Variants in ITPRID2 observed in about 807,000 individuals in gnomAD.
The protein encoded by ITPRID2 is ITPR interacting domain containing 2.
ITPRID2 carries 60 observed loss-of-function variants against 124.3 expected under a neutral mutation model. That is an observed-to-expected ratio of 0.48 (90% CI 0.39 to 0.60). ITPRID2 has a LOEUF of 0.60. ITPRID2 is among the 20% of genes least tolerant of loss of function. The pLI, the probability that ITPRID2 is intolerant of heterozygous loss-of-function variation, is 0.00. For missense variants in ITPRID2, 1,553 were observed against 1,512.2 expected (o/e 1.03, Z -0.45); for synonymous variants, 521 against 542.9 (o/e 0.96, Z 0.56).
Position 181,892,708 on chromosome 2 carries a change from C to A in ITPRID2, c.257+48C>A, listed in dbSNP as rs750863036. 2 of 1,610,572 alleles carry A rather than the reference C, an allele frequency of 1.2e-6. No homozygotes were observed. Among genetic ancestry groups the A allele is most frequent in the Admixed American group, 1.7e-5 (1 of 59,976 alleles). ...GCGTCCCGGGGGAGATCCGTGCGGA[C>A]GGGACGCCGGAGCAGAGCCACTCGG... On this transcript the variant is annotated intron_variant, in intron 2 of 17. Coordinates refer to ENST00000431877, the MANE Select transcript of ITPRID2 (RefSeq NM_001130445.3). The surrounding 1 kb of genome is among the most constrained non-coding windows in gnomAD (Gnocchi z 5.2).
At chr2:181,904,154 A>G (rs1031851497) in intron 8 of ITPRID2, among the ~76,000 whole-genome samples, 1 of 152,206 alleles carries the variant, frequency 6.6e-6, no homozygotes, top group East Asian at 1.9e-4. Context: ...AAGGTTTTTT[A>G]AACACTTATA....
rs1694332716 is a variant in ITPRID2 at position 181,919,558 on chromosome 2, G to A, written c.3144+112G>A. Reference sequence around the variant, plus strand: ...GTCATTTATTTTAATGGTATTAAAAGCATGCATACTGTTTAAGGAGCTTTC... The same window carrying A: ...GTCATTTATTTTAATGGTATTAAAAACATGCATACTGTTTAAGGAGCTTTC... On this transcript the variant is annotated intron_variant, in intron 14 of 17. Transcript: ENST00000431877. The surrounding 1 kb of genome is among the most constrained non-coding windows in gnomAD (Gnocchi z 4.2). 1 of 1,166,878 alleles carries A rather than the reference G, an allele frequency of 8.6e-7. No individual in the cohort carries two copies. The highest frequency in any genetic ancestry group is 2.7e-5 in the Admixed American group (1 of 36,516). 72.3% of individuals were successfully genotyped at this position (1,166,878 alleles called of 1,614,324 possible).
At position 181,896,103 on chromosome 2, in the gene ITPRID2, A is replaced by T. The variant is rs755282996; in HGVS notation, c.307+24A>T. On this transcript the variant is annotated intron_variant, in intron 3 of 17. Transcript: ENST00000431877. This position sits in a 1 kb window ranked among gnomAD's most constrained non-coding sequence, Gnocchi z 4.3. ...GGGTAAGAGAAGGTTGCCTTTCTAA[A>T]TCTGTTCTTTATGACAGTTCTACTT... is the stretch of plus-strand genomic sequence containing the variant. 1 of 1,604,352 alleles carries T rather than the reference A, an allele frequency of 6.2e-7. No individual in the cohort carries two copies.
chr2:181,928,244 T>A lies in ITPRID2; in HGVS notation c.3759T>A (p.Asn1253Lys). The A allele has an allele frequency of 6.5e-7, 1 of 1,545,314 alleles. No homozygotes were observed. Among genetic ancestry groups the A allele is most frequent in the Non-Finnish European group, 8.7e-7 (1 of 1,145,020 alleles). Reference sequence around the variant, plus strand: ...CAGTATCTTCAAGTAAAGCGTCTAATTCTAAGCAAGATTATCATTAAACAG... The same window carrying A: ...CAGTATCTTCAAGTAAAGCGTCTAAATCTAAGCAAGATTATCATTAAACAG... ...LAAVSSSKAS[N>K]SKQDYH The change falls in exon 17 of 18, where the codon AAT (asparagine) becomes AAA (lysine). Residue 1253 changes from asparagine to lysine, a missense_variant. Transcript: ENST00000431877.
chr2:181,904,549 A>G (rs1370755542), intron 8 of ITPRID2, among the ~76,000 whole-genome samples: 2 of 152,238 alleles, frequency 1.3e-5, no homozygotes, highest in Non-Finnish European at 2.9e-5. Flanking sequence ...CACTTGAATC[A>G]TATTGACAAA....
At chr2:181,926,712 CAAAAAAA>C (rs567004734) in intron 16 of ITPRID2, among the ~76,000 whole-genome samples, 2 of 65,976 alleles carry the variant, frequency 3.0e-5, no homozygotes, top group Admixed American at 1.5e-4. Flanking sequence ...GAATCCATCT[CAAAAAAA>C]AAAAAAAAAA....
chr2:181,928,018 C>T, intron 16 of ITPRID2, 143 bp from the exon 17 acceptor site: 1 of 589,926 alleles, frequency 1.7e-6, no homozygotes. Context: ...GACTCGATTC[C>T]CCACTCCCTC....
At chr2:181,899,888 T>C (rs947028415) in intron 6 of ITPRID2, among the ~76,000 whole-genome samples, 1 of 152,174 alleles carries the variant, frequency 6.6e-6, no homozygotes, top group African/African-American at 2.4e-5. Flanking sequence ...ATATAGTATA[T>C]TAAAATACAT....
At chr2:181,924,351 G>T (rs1413402147) in intron 16 of ITPRID2, among the ~76,000 whole-genome samples, 1 of 151,994 alleles carries the variant, frequency 6.6e-6, no homozygotes. Context: ...ATTTAGTTTG[G>T]TTTTTATTCC....
chr2:181,927,636 A>G (rs1694957768), intron 16 of ITPRID2, among the ~76,000 whole-genome samples: 1 of 152,064 alleles, frequency 6.6e-6, no homozygotes, highest in African/African-American at 2.4e-5. Context: ...AATAAATTGT[A>G]CTAAATGATA....
chr2:181,924,294 T>C (rs2125112789), intron 16 of ITPRID2, among the ~76,000 whole-genome samples: 1 of 152,336 alleles, frequency 6.6e-6, no homozygotes, highest in African/African-American at 2.4e-5. Context: ...AAAATTATGT[T>C]AATATTCTCT....
chr2:181,903,892 A>G (rs1257325675), intron 8 of ITPRID2, among the ~76,000 whole-genome samples: 2 of 152,144 alleles, frequency 1.3e-5, no homozygotes, highest in Non-Finnish European at 2.9e-5. Context: ...ATTTTTGCCT[A>G]CCATTAGGGC....
intron 9 of ITPRID2, among the ~76,000 whole-genome samples, chr2:181,912,966 C>T (rs2125091667): frequency 6.6e-6 from 1 of 152,272 alleles, no homozygotes; most frequent in East Asian, 1.9e-4. Flanking sequence ...TTGTTTCATA[C>T]CTTATACATT....
intron 16 of ITPRID2, among the ~76,000 whole-genome samples, chr2:181,924,842 G>A (rs951760717): frequency 6.6e-5 from 10 of 152,160 alleles, no homozygotes; most frequent in African/African-American, 2.4e-4. Context: ...ATTGTACTAG[G>A]AAAAAAGTAC....
intron 10 of ITPRID2, among the ~76,000 whole-genome samples, chr2:181,914,422 G>C (rs2125095000): frequency 1.3e-5 from 2 of 152,244 alleles, no homozygotes; most frequent in Non-Finnish European, 2.9e-5. Context: ...AGAATGCACA[G>C]AAAAAGCATT....
rs1335576053 is a variant in ITPRID2, at chr2:181,919,222, G to A, written c.2994-74G>A. 26 of 1,541,834 alleles carry A rather than the reference G, an allele frequency of 1.7e-5. No homozygotes were observed. The highest frequency in any genetic ancestry group is 2.3e-5 in the Non-Finnish European group (26 of 1,126,298). On this transcript the variant is annotated intron_variant, in intron 13 of 17. Coordinates refer to ENST00000431877, the MANE Select transcript of ITPRID2 (RefSeq NM_001130445.3). The surrounding 1 kb of genome is among the most constrained non-coding windows in gnomAD (Gnocchi z 4.2). ...CCATGCCTTCTGTTAGCATATAGTAGTTGTTGAAAGATTTGTGATTAGGAA... is the reference window on the plus strand; with the variant it reads ...CCATGCCTTCTGTTAGCATATAGTAATTGTTGAAAGATTTGTGATTAGGAA...
chr2:181,911,909 A>G (rs1216882854), intron 9 of ITPRID2, among the ~76,000 whole-genome samples: 2 of 152,168 alleles, frequency 1.3e-5, no homozygotes, highest in Non-Finnish European at 2.9e-5. Context: ...CATTGCCCCA[A>G]ACCTGCTCTG....
rs1025756264 is a variant in ITPRID2 at position 181,910,245 on chromosome 2, C to T, written c.1486+274C>T. Among the ~76,000 whole-genome samples the T allele has an allele frequency of 6.6e-6, 1 of 152,082 alleles. No individual in the cohort carries two copies. The highest frequency in any genetic ancestry group is 1.5e-5 in the Non-Finnish European group (1 of 68,004). On this transcript the variant is annotated intron_variant, in intron 9 of 17. Transcript: ENST00000431877. This position sits in a 1 kb window ranked among gnomAD's most constrained non-coding sequence, Gnocchi z 4.1. ...AGTATTTTACACTATTGCATAAGAG[C>T]TAGTTGGGAAGTGATAGAGCAATGG...
At chr2:181,925,957 A>G (rs1157411380) in intron 16 of ITPRID2, among the ~76,000 whole-genome samples, 1 of 152,230 alleles carries the variant, frequency 6.6e-6, no homozygotes, top group East Asian at 1.9e-4. Context: ...TTAATGAATC[A>G]ATAAATTATT....
Sources: allele counts gnomAD v4.1 joint callset (sites outside exome capture counted in the v4.1 genomes callset), GRCh38; gene constraint gnomAD v4.1.1; non-coding constraint Gnocchi (gnomAD v3.1); transcripts MANE v1.5; gene names NCBI Gene and HGNC (gene_info 2026-07-23, HGNC 2026-07-21).